The following KCNH8 variants were observed in gnomAD, a reference collection of about 807,000 sequenced individuals.
KCNH8 encodes voltage-gated delayed rectifier potassium channel KCNH8.
KCNH8 carries 70 observed loss-of-function variants against 103.6 expected under a neutral mutation model. That is an observed-to-expected ratio of 0.68 (90% CI 0.56 to 0.82). The LOEUF is 0.82. Among genes scored for constraint, KCNH8 ranks in the 40% least tolerant of loss-of-function variants. KCNH8 has a pLI of 0.00. For synonymous variants in KCNH8, 498 were observed against 489.4 expected (o/e 1.02, Z -0.23); for missense variants, 1,217 against 1,329.9 (o/e 0.92, Z 1.32).
chr3:19,380,323 G>T (rs2066271691), intron 5 of KCNH8, among the ~76,000 whole-genome samples: 1 of 152,150 alleles, frequency 6.6e-6, no homozygotes, highest in Non-Finnish European at 1.5e-5. Context: ...TCTAATTGGT[G>T]ACTCTTTTGA....
At chr3:19,182,572 C>T (rs945863102) in intron 1 of KCNH8, among the ~76,000 whole-genome samples, 5 of 152,130 alleles carry the variant, frequency 3.3e-5, no homozygotes, top group African/African-American at 1.2e-4. Flanking sequence ...GTGCATCAAG[C>T]TTTCAGCTTT....
intron 5 of KCNH8, among the ~76,000 whole-genome samples, chr3:19,370,763 C>T (rs1428306926): frequency 6.6e-6 from 1 of 150,438 alleles, no homozygotes; most frequent in Middle Eastern, 3.4e-3. Context: ...TCCCACCTCC[C>T]CCCACCCAAC....
intron 2 of KCNH8, among the ~76,000 whole-genome samples, chr3:19,276,225 A>G (rs1304348686): frequency 6.8e-6 from 1 of 147,334 alleles, no homozygotes; most frequent in Non-Finnish European, 1.5e-5. Flanking sequence ...ACATGTATGT[A>G]TTTTCTCTGG....
intron 3 of KCNH8, among the ~76,000 whole-genome samples, chr3:19,313,066 A>C (rs992067524): frequency 6.6e-6 from 1 of 151,878 alleles, no homozygotes; most frequent in African/African-American, 2.4e-5. Flanking sequence ...GTTGCTCTAG[A>C]ATTCCAAAAA....
chr3:19,277,548 T>C (rs1271063327), intron 2 of KCNH8, among the ~76,000 whole-genome samples: 1 of 152,068 alleles, frequency 6.6e-6, no homozygotes, highest in Non-Finnish European at 1.5e-5. Context: ...AGACTTTCTC[T>C]TAAAAAACAA....
At chr3:19,161,162 T>A (rs1378844194) in intron 1 of KCNH8, among the ~76,000 whole-genome samples, 1 of 152,114 alleles carries the variant, frequency 6.6e-6, no homozygotes, top group Non-Finnish European at 1.5e-5. Flanking sequence ...AGTGATTAGT[T>A]AACATGAAAA....
chr3:19,241,020 T>C (rs896161575), intron 1 of KCNH8, among the ~76,000 whole-genome samples: 1 of 152,192 alleles, frequency 6.6e-6, no homozygotes, highest in Admixed American at 6.5e-5. Context: ...CTATAGCCTA[T>C]CCTATTTTGT....
At chr3:19,399,522 G>C (rs1249487355) in intron 7 of KCNH8, among the ~76,000 whole-genome samples, 3 of 151,890 alleles carry the variant, frequency 2.0e-5, no homozygotes, top group Non-Finnish European at 4.4e-5. Flanking sequence ...TTTGAATCAG[G>C]CATGTGATTT....
intron 15 of KCNH8, among the ~76,000 whole-genome samples, chr3:19,529,239 TTGAGG>T (rs1299814559): frequency 2.6e-5 from 4 of 152,216 alleles, no homozygotes; most frequent in Non-Finnish European, 4.4e-5. Flanking sequence ...TATGCTGCTG[TTGAGG>T]TAAGTGGGAA....
At chr3:19,477,789 T>G (rs975678363) in intron 11 of KCNH8, among the ~76,000 whole-genome samples, 3 of 152,214 alleles carry the variant, frequency 2.0e-5, no homozygotes, top group African/African-American at 7.2e-5. Flanking sequence ...ATTTATTATT[T>G]ACATTTAGGA....
At chr3:19,238,175 C>T (rs999766691) in intron 1 of KCNH8, among the ~76,000 whole-genome samples, 1 of 152,156 alleles carries the variant, frequency 6.6e-6, no homozygotes, top group African/African-American at 2.4e-5. Context: ...CTTTTGGTAA[C>T]AGCGAGATCA....
chr3:19,491,928 T>A (rs182404157), intron 11 of KCNH8, among the ~76,000 whole-genome samples: 30 of 152,340 alleles, frequency 2.0e-4, no homozygotes, highest in African/African-American at 7.2e-4. Context: ...TGATTAGTGA[T>A]GATAGCTTTT....
intron 5 of KCNH8, among the ~76,000 whole-genome samples, chr3:19,378,408 T>C (rs2066242401): frequency 1.3e-5 from 2 of 152,132 alleles, no homozygotes; most frequent in African/African-American, 2.4e-5. Flanking sequence ...GACTTTTAGA[T>C]AGAAGGAAAG....
rs2069232850 is a variant in KCNH8, at chr3:19,534,463, CTGAT to C, written c.*367_*370del. On this transcript the variant is annotated 3_prime_UTR_variant, in exon 16 of 16. Coordinates refer to ENST00000328405, the MANE Select transcript of KCNH8 (RefSeq NM_144633.3). ...TATGGCAAAGGTTTTTCATGAGTGC[CTGAT>C]TGTTATTCCTGAACAATATCCATAG... The C allele has an allele frequency of 4.2e-6, 1 of 238,284 alleles. No homozygotes were observed. The highest frequency in any genetic ancestry group is 5.0e-5 in the Admixed American group (1 of 19,812). The allele number at this position is 238,284 out of a possible 1,614,324, so 14.8% of individuals were successfully genotyped here.
chr3:19,252,894 C>T (rs1028559891), intron 1 of KCNH8, among the ~76,000 whole-genome samples: 1 of 152,104 alleles, frequency 6.6e-6, no homozygotes, highest in Non-Finnish European at 1.5e-5. Context: ...TCCTTATATA[C>T]CACTGTTTTC....
intron 7 of KCNH8, among the ~76,000 whole-genome samples, chr3:19,429,458 G>A (rs1163571346): frequency 6.6e-6 from 1 of 152,286 alleles, no homozygotes; most frequent in Middle Eastern, 3.4e-3. Context: ...ACAGGCGTGA[G>A]CCACCGCGCC....
chr3:19,518,858 T>C (rs182574736), intron 15 of KCNH8, among the ~76,000 whole-genome samples: 1 of 152,122 alleles, frequency 6.6e-6, no homozygotes, highest in Admixed American at 6.5e-5. Context: ...TTGATTACTG[T>C]CTTAATTGGG....
intron 7 of KCNH8, among the ~76,000 whole-genome samples, chr3:19,432,308 T>C (rs1402035191): frequency 6.6e-6 from 1 of 152,144 alleles, no homozygotes; most frequent in East Asian, 1.9e-4. Context: ...CCTATCCTTT[T>C]AAGTTAAATG....
chr3:19,195,766 G>T (rs964987870), intron 1 of KCNH8, among the ~76,000 whole-genome samples: 1 of 151,970 alleles, frequency 6.6e-6, no homozygotes, highest in East Asian at 1.9e-4. Flanking sequence ...ACTCAAGAAA[G>T]AAAGATCAGT....
Sources: allele counts gnomAD v4.1 joint callset (sites outside exome capture counted in the v4.1 genomes callset), GRCh38; gene constraint gnomAD v4.1.1; transcripts MANE v1.5; gene names NCBI Gene and HGNC (gene_info 2026-07-23, HGNC 2026-07-21).